Variants in TAF12 observed in about 807,000 individuals in gnomAD.
TAF12 encodes TATA-box binding protein associated factor 12.
TAF12 carries 3 observed loss-of-function variants against 20.8 expected under a neutral mutation model. The observed-to-expected ratio is 0.14, with a 90% CI of 0.07 to 0.37. The LOEUF (loss-of-function observed/expected upper bound fraction) is 0.37. TAF12 is among the 10% of genes least tolerant of loss of function. TAF12 has a pLI of 1.00. For missense variants in TAF12, 131 were observed against 197.9 expected, an observed-to-expected ratio of 0.66 and a Z score of 2.03; for synonymous variants, 69 against 70.2, an observed-to-expected ratio of 0.98 and a Z score of 0.09.
chr1:28,643,104 C>A (rs1450532431), upstream of TAF12: 8 of 985,812 alleles, frequency 8.1e-6, no homozygotes, highest in Non-Finnish European at 9.6e-6. Flanking sequence ...CACCGCTCCC[C>A]GCCTCCAACC....
chr1:28,635,464 C>G (rs1030361255), intron 1 of TAF12, among the ~76,000 whole-genome samples: 1 of 151,030 alleles, frequency 6.6e-6, no homozygotes, highest in Non-Finnish European at 1.5e-5. Flanking sequence ...TGCCACCACA[C>G]CCGGCTAATT....
chr1:28,619,647 GAA>G (rs56098932), intron 2 of TAF12, among the ~76,000 whole-genome samples: 808 of 59,408 alleles, frequency 0.014, 6 homozygotes, highest in African/African-American at 0.05. Flanking sequence ...AAATTCCACT[GAA>G]AAAAAAAAAA....
chr1:28,620,288 C>A (rs1667172508), intron 2 of TAF12, among the ~76,000 whole-genome samples: 1 of 151,602 alleles, frequency 6.6e-6, no homozygotes, highest in Admixed American at 6.6e-5. Flanking sequence ...TGTGCACCAC[C>A]ATGCCAGGTT....
At chr1:28,608,080 C>T (rs1391450071) in intron 4 of TAF12, among the ~76,000 whole-genome samples, 10 of 151,190 alleles carry the variant, frequency 6.6e-5, no homozygotes, top group South Asian at 2.1e-4. Flanking sequence ...GCCTGTAATC[C>T]GAGCACTTTG....
chr1:28,630,441 C>A (rs1557470345), intron 1 of TAF12, among the ~76,000 whole-genome samples: 1 of 151,800 alleles, frequency 6.6e-6, no homozygotes, highest in Non-Finnish European at 1.5e-5. Flanking sequence ...GTAATCTAAG[C>A]TACTCGAGGC....
chr1:28,627,242 GC>G (rs1423294085), intron 1 of TAF12, among the ~76,000 whole-genome samples: 1 of 151,838 alleles, frequency 6.6e-6, no homozygotes, highest in African/African-American at 2.4e-5. Flanking sequence ...ATAAAAATTA[GC>G]CGGGCGTGGT....
upstream of TAF12, among the ~76,000 whole-genome samples, chr1:28,647,918 G>C (rs1668240342): frequency 6.6e-6 from 1 of 152,008 alleles, no homozygotes; most frequent in Non-Finnish European, 1.5e-5. Flanking sequence ...TCAGTCATCT[G>C]AGGTACAGTA....
intron 1 of TAF12, among the ~76,000 whole-genome samples, chr1:28,636,192 T>C (rs994963458): frequency 6.6e-6 from 1 of 152,212 alleles, no homozygotes; most frequent in African/African-American, 2.4e-5. Flanking sequence ...CCAGCTGCTT[T>C]TGACTTATCA....
intron 1 of TAF12, among the ~76,000 whole-genome samples, chr1:28,635,278 T>G (rs1038295494): frequency 1.1e-4 from 8 of 74,054 alleles, no homozygotes; most frequent in Non-Finnish European, 1.8e-4. Flanking sequence ...CCTCCCTCCT[T>G]TTTTTTTTTT....
intron 1 of TAF12, among the ~76,000 whole-genome samples, chr1:28,628,224 G>A (rs1667485919): frequency 1.7e-5 from 1 of 60,534 alleles, no homozygotes; most frequent in African/African-American, 6.3e-5. Context: ...CACGGTGCAG[G>A]GGGTGGGGGG....
chr1:28,643,013 C>A lies in TAF12; in HGVS notation c.-106G>T. On this transcript the variant is annotated 5_prime_UTR_variant, in exon 1 of 6. An upstream start codon of the reference 5' UTR is lost. Transcript: ENST00000373824. ...TCACAGGCAGCAGCGTCTATCTCCC[C>A]ATGATATGCAGAGACTGCCCCAGTG... 1.0e-6 allele frequency: 1 copy of A among 986,002 alleles called. No homozygotes were observed. Among genetic ancestry groups the A allele is most frequent in the Non-Finnish European group, 1.2e-6 (1 of 830,048 alleles). The allele number at this position is 986,002 out of a possible 1,614,324, so 61.1% of individuals were successfully genotyped here. A position where few individuals can be genotyped will look rare whatever the true frequency, so the allele number is the denominator to read the frequency against.
At position 28,639,654 on chromosome 1, in the gene TAF12, C is replaced by T. The variant is rs775075720; in HGVS notation, c.-85+3338G>A. On this transcript the variant is annotated intron_variant, in intron 1 of 5. Transcript: ENST00000373824. ...TACTTTGAAGTGGTGACATGGGCAT[C>T]GGTATGCTTTCCCTTATAAGTTGGT... is the stretch of plus-strand genomic sequence containing the variant. Among the ~76,000 whole-genome samples, 10 of 152,152 alleles carry T rather than the reference C, an allele frequency of 6.6e-5. No homozygotes were observed. In the East Asian group the frequency reaches 1.2e-3, roughly 18 times the overall value.
upstream of TAF12, among the ~76,000 whole-genome samples, chr1:28,645,028 A>C (rs181780782): frequency 6.6e-6 from 1 of 152,044 alleles, no homozygotes; most frequent in Admixed American, 6.6e-5. Flanking sequence ...CTTCCCAAGT[A>C]GATGAATTTT....
At chr1:28,605,185 T>C (rs1270332912) in intron 5 of TAF12, 187 bp downstream of exon 5, 2 of 599,142 alleles carry the variant, frequency 3.3e-6, no homozygotes, top group East Asian at 2.8e-5. Flanking sequence ...CACAGCACCA[T>C]GTGAATATCT....
At chr1:28,635,323 G>A (rs1220548976) in intron 1 of TAF12, among the ~76,000 whole-genome samples, 27 of 92,274 alleles carry the variant, frequency 2.9e-4, no homozygotes, top group Non-Finnish European at 4.6e-4. Flanking sequence ...TCACTGTGTC[G>A]CCCAGGCTAC....
chr1:28,607,658 C>T (rs1000454110), intron 4 of TAF12, among the ~76,000 whole-genome samples: 6 of 151,736 alleles, frequency 4.0e-5, no homozygotes, highest in South Asian at 2.1e-4. Flanking sequence ...GGTGACAGAG[C>T]GAGACTCCAT....
chr1:28,612,101 A>G (rs1235030391), intron 4 of TAF12, among the ~76,000 whole-genome samples: 4 of 152,140 alleles, frequency 2.6e-5, no homozygotes, highest in Admixed American at 2.6e-4. Flanking sequence ...AAGTCTTTCA[A>G]TAATTAGTCA....
At position 28,610,891 on chromosome 1, in the gene TAF12, C is replaced by T. The variant is rs1010584647; in HGVS notation, c.361+2356G>A. ...AGAAGAATCCCTTGAACCTGGGAGG[C>T]GGAGGTTGCAGTGAGCCAAGATTGC... On this transcript the variant is annotated intron_variant, in intron 4 of 5. Coordinates refer to ENST00000373824, the MANE Select transcript of TAF12 (RefSeq NM_005644.4). Among the ~76,000 whole-genome samples, 8 of 137,850 alleles carry T rather than the reference C, an allele frequency of 5.8e-5. No homozygotes were observed. In the South Asian group the frequency reaches 1.2e-3, roughly 21 times the overall value. 90.4% of individuals were successfully genotyped at this position (137,850 alleles called of 152,430 possible).
At chr1:28,642,566 T>C (rs1183968135) in intron 1 of TAF12, 2 of 895,320 alleles carry the variant, frequency 2.2e-6, no homozygotes, top group Non-Finnish European at 2.7e-6. Context: ...AAGTCTTCGC[T>C]GCCCCGTTTC....
Sources: gnomAD v4.1 joint callset for allele counts (sites outside exome capture counted in the v4.1 genomes callset) on GRCh38, gnomAD v4.1.1 for gene constraint, MANE v1.5 for transcripts, NCBI Gene and HGNC (gene_info 2026-07-23, HGNC 2026-07-21) for gene names.